The following VPS33A variants were observed in gnomAD, a reference collection of about 807,000 sequenced individuals.
VPS33A encodes the protein VPS33A core subunit of CORVET and HOPS complexes.
Under a neutral mutation model 71.8 loss-of-function variants are expected in VPS33A, and 32 were observed. The observed-to-expected ratio is 0.45, with a 90% CI of 0.34 to 0.60. VPS33A has a LOEUF of 0.60. Among genes scored for constraint, VPS33A ranks in the 20% least tolerant of loss-of-function variants. VPS33A has a pLI of 0.02. For missense variants in VPS33A, 625 were observed against 748.5 expected (o/e 0.84, Z 1.92); for synonymous variants, 311 against 292.7 (o/e 1.06, Z -0.64).
At chr12:122,233,979 G>A (rs186468822) in intron 11 of VPS33A, among the ~76,000 whole-genome samples, 1 of 152,126 alleles carries the variant, frequency 6.6e-6, no homozygotes, top group Non-Finnish European at 1.5e-5. Context: ...CCTGACAGAG[G>A]AGACTGTCTA....
chr12:122,232,194 T>G lies in VPS33A; in HGVS notation c.*52A>C. 6.6e-7 allele frequency: 1 copy of G among 1,514,892 alleles called. No individual in the cohort carries two copies. 93.8% of individuals were successfully genotyped at this position (1,514,892 alleles called of 1,614,324 possible). On this transcript the variant is annotated 3_prime_UTR_variant, in exon 13 of 13. Coordinates refer to ENST00000267199, the MANE Select transcript of VPS33A (RefSeq NM_022916.6). ...GTTTTACTTCCTTTCAGCAATTTCT[T>G]CAAAGAGGTAGTTTATTCTGCAGTA...
chr12:122,246,214 G>C (rs1954773784), intron 6 of VPS33A, among the ~76,000 whole-genome samples: 1 of 152,172 alleles, frequency 6.6e-6, no homozygotes, highest in Non-Finnish European at 1.5e-5. Flanking sequence ...TCTTATGTAG[G>C]CTGGGCACAG....
intron 9 of VPS33A, among the ~76,000 whole-genome samples, chr12:122,239,484 C>T (rs1194401098): frequency 3.3e-5 from 5 of 151,966 alleles, no homozygotes; most frequent in Admixed American, 2.6e-4. Flanking sequence ...GCCTGTAATC[C>T]CAACAGTTTG....
intron 4 of VPS33A, among the ~76,000 whole-genome samples, chr12:122,257,224 C>T (rs181763702): frequency 4.0e-5 from 6 of 151,840 alleles, no homozygotes; most frequent in African/African-American, 1.5e-4. Flanking sequence ...GTCAGGACAT[C>T]GAGATCAGTC....
Position 122,231,082 on chromosome 12 carries a change from C to T in VPS33A, c.*1164G>A, listed in dbSNP as rs970882796. 6.6e-6 allele frequency: 1 copy of T among 152,290 alleles called. No homozygotes were observed. Among genetic ancestry groups the T allele is most frequent in the African/African-American group, 2.4e-5 (1 of 41,466 alleles). 9.4% of individuals were successfully genotyped at this position (152,290 alleles called of 1,614,324 possible). ...AAGAAGCAAGAGTTGCCCCTGCTCA[C>T]TGTGGGACCAGTTGGATGTTGGGCC... On this transcript the variant is annotated 3_prime_UTR_variant, in exon 13 of 13. Transcript: ENST00000267199.
At chr12:122,263,057 A>C (rs7136928) in intron 3 of VPS33A, among the ~76,000 whole-genome samples, 9,685 of 143,382 alleles carry the variant, frequency 0.068, 449 homozygotes, top group Middle Eastern at 0.16. Context: ...CAGTGGCGCG[A>C]TCTCAGCTCA....
In VPS33A at chr12:122,229,883, G is replaced by T. The variant is rs990169975; in HGVS notation, c.*2363C>A. ...TATGCTCTGAGCAAGCAAGTATATA[G>T]AGTCTTGGGTGAGTGCAGACACATG... On this transcript the variant is annotated 3_prime_UTR_variant, in exon 13 of 13. Coordinates refer to ENST00000267199, the MANE Select transcript of VPS33A (RefSeq NM_022916.6). 2.0e-5 allele frequency: 3 copies of T among 152,186 alleles called. No individual in the cohort carries two copies. Among genetic ancestry groups the T allele is most frequent in the African/African-American group, 7.2e-5 (3 of 41,444 alleles). 9.4% of individuals were successfully genotyped at this position (152,186 alleles called of 1,614,324 possible). A position where few individuals can be genotyped will look rare whatever the true frequency, so the allele number is the denominator to read the frequency against.
chr12:122,241,842 C>T (rs1954719847), intron 8 of VPS33A, among the ~76,000 whole-genome samples: 1 of 152,138 alleles, frequency 6.6e-6, no homozygotes, highest in Admixed American at 6.6e-5. Context: ...ATCTGCCTGC[C>T]TCAGCCTCCC....
chr12:122,252,460 C>T (rs1330199062), intron 4 of VPS33A, among the ~76,000 whole-genome samples: 1 of 151,918 alleles, frequency 6.6e-6, no homozygotes, highest in Non-Finnish European at 1.5e-5. Flanking sequence ...TTAGTAGAGA[C>T]GGGGTTTCAC....
intron 8 of VPS33A, among the ~76,000 whole-genome samples, 174 bp downstream of exon 8, chr12:122,242,208 T>G (rs1162478801): frequency 6.6e-6 from 1 of 151,976 alleles, no homozygotes; most frequent in African/African-American, 2.4e-5. Flanking sequence ...ATGCCCCGCC[T>G]GGAATATCCT....
At position 122,264,901 on chromosome 12, in the gene VPS33A, C is replaced by A. The variant is rs551271683; in HGVS notation, c.103-702G>T. The A allele has an allele frequency of 4.4e-4, 67 of 151,112 alleles. 1 individual carries two copies. Among genetic ancestry groups the A allele is most frequent in the African/African-American group, 1.6e-3 (66 of 41,148 alleles). 9.4% of individuals were successfully genotyped at this position (151,112 alleles called of 1,614,324 possible). ...ATTGTCAACTATACAAAATTAAAAC[C>A]TACAATATAGGTATTACAAATCTTA... On this transcript the variant is annotated intron_variant, in intron 1 of 12. Transcript: ENST00000267199.
intron 11 of VPS33A, among the ~76,000 whole-genome samples, chr12:122,233,733 A>T (rs1954594986): frequency 6.6e-6 from 1 of 152,246 alleles, no homozygotes; most frequent in South Asian, 2.1e-4. Context: ...TATCAATAGC[A>T]ATCTGTTAAA....
intron 3 of VPS33A, 69 bp from the exon 4 acceptor site, chr12:122,261,516 C>A (rs1014976163): frequency 6.9e-7 from 1 of 1,448,868 alleles, no homozygotes; most frequent in Non-Finnish European, 9.6e-7. Context: ...CTTTTTTTAT[C>A]CCCACTGCCT....
rs1954810028 is a variant in VPS33A, at chr12:122,248,971, T to C, written c.775+900A>G. 6 of 152,346 alleles carry C rather than the reference T, an allele frequency of 3.9e-5. No individual in the cohort carries two copies. In the South Asian group the frequency reaches 8.3e-4, roughly 21 times the overall value. The allele number at this position is 152,346 out of a possible 1,614,324, so 9.4% of individuals were successfully genotyped here. A position where few individuals can be genotyped will look rare whatever the true frequency, so the allele number is the denominator to read the frequency against. ...TGAAAGTCAGAGGTCAGTATTTTTA[T>C]TGTTTCAAGGGTTCTCTGATTTCTA... On this transcript the variant is annotated intron_variant, in intron 6 of 12. Transcript: ENST00000267199.
intron 2 of VPS33A, 129 bp from the exon 3 acceptor site, chr12:122,263,828 C>G (rs1186668384): frequency 8.4e-7 from 1 of 1,196,772 alleles, no homozygotes; most frequent in East Asian, 2.5e-5. Context: ...TAGATTCCCT[C>G]AAAGCCAAAT....
At position 122,257,458 on chromosome 12, in the gene VPS33A, C is replaced by T. The variant is rs533397114; in HGVS notation, c.483+3803G>A. On this transcript the variant is annotated intron_variant, in intron 4 of 12. Transcript: ENST00000267199. The stretch of plus-strand genomic sequence containing the variant: ...AAAAAAAAAAAAAAAAAGGGCCGGG[C>T]GCAGGTGGAAGCTCAGGAGGCTGGA... Among the ~76,000 whole-genome samples, 291 of 135,610 alleles carry T rather than the reference C, an allele frequency of 2.1e-3. 2 individuals are homozygous for T. Among genetic ancestry groups the T allele is most frequent in the African/African-American group, 7.5e-3 (261 of 34,892 alleles). The allele number at this position is 135,610 out of a possible 152,430, so 89.0% of individuals were successfully genotyped here.
intron 3 of VPS33A, among the ~76,000 whole-genome samples, chr12:122,262,239 C>T (rs1336105823): frequency 2.6e-5 from 4 of 151,974 alleles, no homozygotes; most frequent in Non-Finnish European, 5.9e-5. Flanking sequence ...ACAGCTGTAC[C>T]CACTCTCTCT....
rs1324353389 is a variant in VPS33A at position 122,229,876 on chromosome 12, G to A, written c.*2370C>T. The A allele has an allele frequency of 2.0e-5, 3 of 152,196 alleles. No homozygotes were observed. Among genetic ancestry groups the A allele is most frequent in the Non-Finnish European group, 4.4e-5 (3 of 68,042 alleles). The allele number at this position is 152,196 out of a possible 1,614,324, so 9.4% of individuals were successfully genotyped here. On this transcript the variant is annotated 3_prime_UTR_variant, in exon 13 of 13. Transcript: ENST00000267199. ...CCCTAACTATGCTCTGAGCAAGCAA[G>A]TATATAGAGTCTTGGGTGAGTGCAG...
At chr12:122,243,952 T>C (rs973283409) in intron 7 of VPS33A, among the ~76,000 whole-genome samples, 6 of 152,038 alleles carry the variant, frequency 3.9e-5, no homozygotes, top group African/African-American at 1.5e-4. Context: ...CAGTGAAAAA[T>C]TCATTTTCAA....
Sources: allele counts gnomAD v4.1 joint callset (sites outside exome capture counted in the v4.1 genomes callset), GRCh38; gene constraint gnomAD v4.1.1; transcripts MANE v1.5; gene names NCBI Gene and HGNC (gene_info 2026-07-23, HGNC 2026-07-21).